EFCAB5: variants seen among roughly 807,000 people sequenced by gnomAD.
The protein encoded by EFCAB5 is EF-hand calcium-binding domain-containing protein 5.
In EFCAB5, 131 loss-of-function variants were observed where a neutral mutation model predicts 167.9. That is an observed-to-expected ratio of 0.78 (90% confidence interval 0.68 to 0.90). EFCAB5 has a LOEUF of 0.90. Ranked by LOEUF, EFCAB5 falls within the 40% of genes least tolerant of loss-of-function variation. EFCAB5 has a pLI of 0.00. For missense variants in EFCAB5, 1,663 were observed against 1,745.2 expected (o/e 0.95, Z 0.84); for synonymous variants, 574 against 602.8 (o/e 0.95, Z 0.70).
intron 14 of EFCAB5, among the ~76,000 whole-genome samples, chr17:30,067,218 G>A (rs1200982593): frequency 6.6e-6 from 1 of 152,142 alleles, no homozygotes; most frequent in African/African-American, 2.4e-5. Context: ...AACAGAAACA[G>A]AAATTATAAG....
chr17:30,090,667 T>C lies in EFCAB5; in HGVS notation c.3930T>C (p.Tyr1310=). The C allele has an allele frequency of 1.2e-6, 2 of 1,610,810 alleles. No individual in the cohort carries two copies. The highest frequency in any genetic ancestry group is 1.7e-6 in the Non-Finnish European group (2 of 1,178,862). The change falls in exon 20 of 23, where the codon TAT becomes TAC. Residue 1310 remains tyrosine (Y), a synonymous_variant. Coordinates refer to ENST00000394835, the MANE Select transcript of EFCAB5 (RefSeq NM_198529.4). ...GEFSGEIKKK[Y]ILEIENVREV... is the part of the protein sequence containing the mutation. ...TCTCTGGAGAGATAAAGAAAAAATA[T>C]ATCTTAGGTATCGTTCATGTGGCAT...
chr17:29,958,402 T>C (rs988045937), intron 3 of EFCAB5, among the ~76,000 whole-genome samples: 2 of 152,138 alleles, frequency 1.3e-5, no homozygotes, highest in African/African-American at 2.4e-5. Context: ...ATTCTTCTGC[T>C]TGATCAATAC....
intron 8 of EFCAB5, 123 bp from the exon 9 acceptor site, chr17:30,050,995 A>G (rs2070076357): frequency 1.4e-6 from 1 of 730,870 alleles, no homozygotes; most frequent in South Asian, 1.9e-5. Context: ...TGCAGCTTTT[A>G]TTTACATGAT....
At position 30,091,903 on chromosome 17, in the gene EFCAB5, G is replaced by A; in HGVS notation, c.3970G>A (p.Gly1324Arg). ...AAATGTCAGGGAAGTCCAGCGGGCA[G>A]GAATTCTCTTCTTCCGAATCATGCT... ...IENVREVQRA[G>R]ILFFRIMLLE... The change falls in exon 21 of 23, where the codon GGA (glycine) becomes AGA (arginine). Residue 1324 changes from glycine (G) to arginine (R), a missense_variant. Physicochemically the swap from Gly to Arg is moderately radical, Grantham distance 125. Transcript: ENST00000394835. 1 of 1,613,984 alleles carries A rather than the reference G, an allele frequency of 6.2e-7. No homozygotes were observed. The highest frequency in any genetic ancestry group is 2.2e-5 in the East Asian group (1 of 44,892).
chr17:30,048,432 T>C (rs2069987554), intron 8 of EFCAB5, among the ~76,000 whole-genome samples: 1 of 151,516 alleles, frequency 6.6e-6, no homozygotes, highest in South Asian at 2.1e-4. Context: ...GGGGAAGTAA[T>C]CCTATCATAT....
At chr17:30,038,359 T>C (rs1002811513) in intron 8 of EFCAB5, among the ~76,000 whole-genome samples, 3 of 152,132 alleles carry the variant, frequency 2.0e-5, no homozygotes, top group African/African-American at 7.2e-5. Context: ...TAGATAACAG[T>C]AGATATGTTT....
At chr17:29,982,012 A>G (rs2068186013) in intron 4 of EFCAB5, among the ~76,000 whole-genome samples, 1 of 152,256 alleles carries the variant, frequency 6.6e-6, no homozygotes, top group Admixed American at 6.5e-5. Context: ...GTAGTAAGAT[A>G]TAAATTGAAT....
In EFCAB5 at chr17:30,080,984, A is replaced by T; in HGVS notation, c.3426+3A>T. 1 of 1,607,244 alleles carries T rather than the reference A, an allele frequency of 6.2e-7. No homozygotes were observed. Among genetic ancestry groups the T allele is most frequent in the South Asian group, 1.1e-5 (1 of 90,724 alleles). On this transcript the variant is annotated splice_donor_region_variant and intron_variant, in intron 17 of 22. Transcript: ENST00000394835. ...CTCATGAGATCAGATTCTATCAGGT[A>T]AGTCATAGAAGTCTTCAAGAGCGAT...
chr17:30,066,503 T>C (rs747642186), intron 14 of EFCAB5, among the ~76,000 whole-genome samples: 5 of 151,928 alleles, frequency 3.3e-5, no homozygotes, highest in Admixed American at 6.6e-5. Flanking sequence ...CTAAAACCTA[T>C]GGAATACAGA....
intron 15 of EFCAB5, among the ~76,000 whole-genome samples, chr17:30,079,323 C>T (rs2070935413): frequency 6.6e-6 from 1 of 151,960 alleles, no homozygotes; most frequent in Non-Finnish European, 1.5e-5. Flanking sequence ...TTGTTAATGA[C>T]TCCATAGATC....
chr17:29,979,736 A>G (rs937524799), intron 4 of EFCAB5, among the ~76,000 whole-genome samples: 3 of 152,168 alleles, frequency 2.0e-5, no homozygotes, highest in Admixed American at 1.3e-4. Flanking sequence ...CCCTTAGCAC[A>G]CTGTAATGTA....
At chr17:30,042,837 TAAAAG>T (rs1039202376) in intron 8 of EFCAB5, among the ~76,000 whole-genome samples, 1 of 152,146 alleles carries the variant, frequency 6.6e-6, no homozygotes, top group Non-Finnish European at 1.5e-5. Flanking sequence ...GATATTTCAA[TAAAAG>T]AAAACCATAC....
chr17:30,018,612 G>C (rs1050175930), intron 7 of EFCAB5, among the ~76,000 whole-genome samples: 1 of 151,926 alleles, frequency 6.6e-6, no homozygotes, highest in Non-Finnish European at 1.5e-5. Flanking sequence ...CTTTTCACCT[G>C]AATTCACTGT....
In EFCAB5 at chr17:29,990,718, T is replaced by G. The variant is rs538905202; in HGVS notation, c.768-2447T>G. On this transcript the variant is annotated intron_variant, in intron 4 of 22. Coordinates refer to ENST00000394835, the MANE Select transcript of EFCAB5 (RefSeq NM_198529.4). ...AAAAGGCTCAAATGTAGCTATAATA[T>G]TTCCCTGTTGATCTGGTGGGTGTAT... 9.1e-4 allele frequency among the ~76,000 whole-genome samples: 139 copies of G among 152,330 alleles called. 2 individuals are homozygous for G. Among genetic ancestry groups the G allele is most frequent in the Middle Eastern group, 3.4e-3 (1 of 294 alleles).
intron 12 of EFCAB5, among the ~76,000 whole-genome samples, chr17:30,057,242 T>G (rs2070296529): frequency 6.6e-6 from 1 of 152,148 alleles, no homozygotes. Context: ...CTGTGTCACT[T>G]TCAATTGAGA....
At chr17:29,967,286 G>A (rs890996634) in intron 3 of EFCAB5, among the ~76,000 whole-genome samples, 1 of 152,130 alleles carries the variant, frequency 6.6e-6, no homozygotes, top group African/African-American at 2.4e-5. Context: ...GATGCCAGTG[G>A]GGGAAGGACA....
At chr17:30,037,128 T>G (rs992262877) in intron 8 of EFCAB5, among the ~76,000 whole-genome samples, 3 of 152,140 alleles carry the variant, frequency 2.0e-5, no homozygotes, top group Non-Finnish European at 4.4e-5. Flanking sequence ...CATAGAGAAG[T>G]GCTAAATCCA....
At chr17:29,953,616 A>C (rs1347046163) in intron 3 of EFCAB5, among the ~76,000 whole-genome samples, 1 of 152,230 alleles carries the variant, frequency 6.6e-6, no homozygotes, top group Non-Finnish European at 1.5e-5. Context: ...TGAGTCCATT[A>C]AACTTTTTTC....
intron 8 of EFCAB5, among the ~76,000 whole-genome samples, chr17:30,044,383 G>A (rs1334268337): frequency 1.3e-5 from 2 of 152,232 alleles, no homozygotes; most frequent in East Asian, 3.9e-4. Context: ...TTCAAGACCA[G>A]TTTGGCCAAC....
Sources: allele counts gnomAD v4.1 joint callset (sites outside exome capture counted in the v4.1 genomes callset), GRCh38; gene constraint gnomAD v4.1.1; transcripts MANE v1.5; gene names NCBI Gene and HGNC (gene_info 2026-07-23, HGNC 2026-07-21).